Variants in CSMD3 observed in about 807,000 individuals in gnomAD.
CSMD3 encodes the protein CUB and sushi domain-containing protein 3.
In CSMD3, 177 loss-of-function variants were observed where a neutral mutation model predicts 435.2. The observed-to-expected ratio is 0.41, with a 90% confidence interval of 0.36 to 0.46. The LOEUF (loss-of-function observed/expected upper bound fraction) is 0.46. Ranked by LOEUF, CSMD3 falls within the 20% of genes least tolerant of loss-of-function variation. CSMD3 has a pLI of 0.34. For missense variants in CSMD3, 4,265 were observed against 4,504.6 expected, an observed-to-expected ratio of 0.95 and a Z score of 1.52; for synonymous variants, 1,656 against 1,520.5, an observed-to-expected ratio of 1.09 and a Z score of -2.07.
At chr8:113,393,710 AG>A (rs2094471201) in intron 1 of CSMD3, among the ~76,000 whole-genome samples, 2 of 152,172 alleles carry the variant, frequency 1.3e-5, no homozygotes, top group Non-Finnish European at 2.9e-5. Flanking sequence ...ACATTATAAC[AG>A]ATAACAAAAA....
rs1828232242 is a variant in CSMD3 at position 112,557,539 on chromosome 8, A to G, written c.4043-585T>C. 2.0e-5 allele frequency among the ~76,000 whole-genome samples: 3 copies of G among 152,092 alleles called. No homozygotes were observed. The South Asian group carries it at 6.2e-4, about 32-fold the overall frequency. On this transcript the variant is annotated intron_variant, in intron 24 of 70. Coordinates refer to ENST00000297405, the MANE Select transcript of CSMD3 (RefSeq NM_198123.2). ...TACATACATCTCCGTGGAGGGGAGA[A>G]GGACTGAAGGTTGAGTCAATTACTG...
intron 38 of CSMD3, among the ~76,000 whole-genome samples, chr8:112,366,176 G>T (rs1827766335): frequency 6.6e-6 from 1 of 152,130 alleles, no homozygotes; most frequent in Admixed American, 6.5e-5. Flanking sequence ...CATGGCAACA[G>T]TTTTTTGGGA....
chr8:112,894,327 C>A (rs1000310802), intron 10 of CSMD3, among the ~76,000 whole-genome samples: 3 of 151,346 alleles, frequency 2.0e-5, no homozygotes, highest in Admixed American at 1.3e-4. Flanking sequence ...AATGTGAAAC[C>A]CATCTTGTCA....
At chr8:113,028,162 AT>A (rs1004985107) in intron 5 of CSMD3, among the ~76,000 whole-genome samples, 14 of 152,146 alleles carry the variant, frequency 9.2e-5, no homozygotes, top group Non-Finnish European at 1.3e-4. Context: ...ACATGTCAAA[AT>A]TTTCATTATT....
chr8:112,616,930 T>C (rs898881782), intron 22 of CSMD3, among the ~76,000 whole-genome samples: 1 of 152,166 alleles, frequency 6.6e-6, no homozygotes, highest in Non-Finnish European at 1.5e-5. Flanking sequence ...AGTCCTGTGT[T>C]CAACTGAAAC....
chr8:113,152,366 C>T (rs968108403), intron 4 of CSMD3, among the ~76,000 whole-genome samples: 2 of 151,994 alleles, frequency 1.3e-5, no homozygotes, highest in African/African-American at 2.4e-5. Flanking sequence ...GGAACAAACA[C>T]ATTTGAGTGG....
At position 113,187,151 on chromosome 8, in the gene CSMD3, C is replaced by T. The variant is rs368587718; in HGVS notation, c.515-13235G>A. Among the ~76,000 whole-genome samples, 775 of 145,466 alleles carry T rather than the reference C, an allele frequency of 5.3e-3. 8 individuals carry two copies. Among genetic ancestry groups the T allele is most frequent in the African/African-American group, 0.018 (712 of 39,476 alleles). On this transcript the variant is annotated intron_variant, in intron 3 of 70. Coordinates refer to ENST00000297405, the MANE Select transcript of CSMD3 (RefSeq NM_198123.2). Reference sequence around the variant, plus strand: ...CACTTTGCTGGGAGTTTTTTTTTTTCTTCTTCTTCTTCTTCTTCTTTTCCT... The same window carrying T: ...CACTTTGCTGGGAGTTTTTTTTTTTTTTCTTCTTCTTCTTCTTCTTTTCCT...
chr8:113,167,212 G>A lies in CSMD3; in HGVS notation c.709+6510C>T, dbSNP rs557340234. Among the ~76,000 whole-genome samples, 11 of 152,056 alleles carry A rather than the reference G, an allele frequency of 7.2e-5. No homozygotes were observed. In the South Asian group the frequency reaches 1.9e-3, roughly 26 times the overall value. ...TATTTTAAATACGATAAATACAAAC[G>A]TAACAAGTGATAGCTATTACTTCTA... On this transcript the variant is annotated intron_variant, in intron 4 of 70. Coordinates refer to ENST00000297405, the MANE Select transcript of CSMD3 (RefSeq NM_198123.2).
chr8:112,995,091 T>C (rs1486323221), intron 6 of CSMD3, among the ~76,000 whole-genome samples: 2 of 151,530 alleles, frequency 1.3e-5, no homozygotes, highest in Non-Finnish European at 3.0e-5. Flanking sequence ...AGAAACATAA[T>C]AGTTAATAAG....
chr8:113,241,492 A>G (rs1249575988), intron 3 of CSMD3, among the ~76,000 whole-genome samples: 1 of 151,914 alleles, frequency 6.6e-6, no homozygotes, highest in Non-Finnish European at 1.5e-5. Context: ...AAATGTTCAG[A>G]AAAAAACATT....
At chr8:112,563,405 CTT>C (rs200729243) in intron 24 of CSMD3, among the ~76,000 whole-genome samples, 9 of 141,982 alleles carry the variant, frequency 6.3e-5, no homozygotes, top group African/African-American at 5.1e-5. Context: ...ATAAAAGGAT[CTT>C]TTTTTTTTTT....
At chr8:113,415,481 A>G (rs2094577984) in intron 1 of CSMD3, among the ~76,000 whole-genome samples, 1 of 152,202 alleles carries the variant, frequency 6.6e-6, no homozygotes. Flanking sequence ...CTAAAAGGTA[A>G]AATCTTCCAC....
chr8:112,472,789 A>T (rs567927213), intron 31 of CSMD3, 82 bp from the exon 32 acceptor site: 4 of 755,886 alleles, frequency 5.3e-6, no homozygotes, highest in East Asian at 5.2e-5. Flanking sequence ...CATATAAAAA[A>T]TATATGGCTA....
intron 10 of CSMD3, among the ~76,000 whole-genome samples, chr8:112,868,290 T>C (rs1332806005): frequency 1.3e-5 from 2 of 152,122 alleles, no homozygotes; most frequent in Non-Finnish European, 2.9e-5. Context: ...GCTGTTTTAC[T>C]GCTAAAAGAG....
chr8:112,583,321 T>G (rs1295461537), intron 23 of CSMD3, among the ~76,000 whole-genome samples: 1 of 125,458 alleles, frequency 8.0e-6, no homozygotes, highest in Non-Finnish European at 1.7e-5. Context: ...AAATACACAT[T>G]AGTCATTCAA....
chr8:112,355,443 G>A (rs114128326), intron 38 of CSMD3, among the ~76,000 whole-genome samples: 1,777 of 152,208 alleles, frequency 0.012, 36 homozygotes, highest in African/African-American at 0.04. Context: ...TGTTCATAAT[G>A]GGAGAAAATG....
At chr8:113,292,960 C>T (rs149323060) in intron 2 of CSMD3, among the ~76,000 whole-genome samples, 1 of 151,798 alleles carries the variant, frequency 6.6e-6, no homozygotes, top group East Asian at 2.0e-4. Flanking sequence ...ACCAACCAAA[C>T]AAACTGTTCC....
intron 22 of CSMD3, among the ~76,000 whole-genome samples, chr8:112,606,273 T>A (rs1203806194): frequency 6.6e-6 from 1 of 152,180 alleles, no homozygotes; most frequent in Non-Finnish European, 1.5e-5. Flanking sequence ...GCATAGTGAC[T>A]GAGTGCCTGA....
intron 31 of CSMD3, among the ~76,000 whole-genome samples, chr8:112,487,531 T>G (rs911793837): frequency 1.3e-5 from 2 of 152,186 alleles, no homozygotes; most frequent in African/African-American, 2.4e-5. Flanking sequence ...TTATAAGATC[T>G]TTGGCATTTA....
Sources: gnomAD v4.1 joint callset for allele counts (sites outside exome capture counted in the v4.1 genomes callset) on GRCh38, gnomAD v4.1.1 for gene constraint, MANE v1.5 for transcripts, NCBI Gene and HGNC (gene_info 2026-07-23, HGNC 2026-07-21) for gene names.